TSPAN7: variants seen among roughly 807,000 people sequenced by gnomAD.
TSPAN7 encodes the protein tetraspanin 7, also known as tetraspanin-7.
Under a neutral mutation model 17.6 loss-of-function variants are expected in TSPAN7, and 1 was observed. The ratio of observed to expected loss-of-function variants is 0.06; its 90% confidence interval spans 0.02 to 0.27. The LOEUF (loss-of-function observed/expected upper bound fraction) is 0.27, where lower values mean the gene tolerates loss of function less well. Among genes scored for constraint, TSPAN7 ranks in the 10% least tolerant of loss-of-function variants. TSPAN7 has a pLI of 1.00. For missense variants in TSPAN7, 112 were observed against 201.7 expected (o/e 0.56, Z 2.69); for synonymous variants, 78 against 79.0 (o/e 0.99, Z 0.07).
At chrX:38,675,598 T>C in intron 4 of TSPAN7, 107 bp from the exon 5 acceptor site, 1 of 968,073 alleles carries the variant, frequency 1.0e-6, no homozygotes. Context: ...GCACATGTTG[T>C]CTTAGGGCTT....
At chrX:38,607,668 C>A (rs893228928) in intron 1 of TSPAN7, among the ~76,000 whole-genome samples, 2 of 111,187 alleles carry the variant, frequency 1.8e-5, no homozygotes, top group African/African-American at 6.5e-5. Context: ...ACTTTCAACT[C>A]TAATTTTCTA....
chrX:38,651,582 G>C (rs5917611), intron 1 of TSPAN7, among the ~76,000 whole-genome samples: 36,969 of 110,995 alleles, frequency 0.33, 4,601 homozygotes, highest in East Asian at 0.68. Context: ...GGACATCTTC[G>C]TTGTGCTTTG....
At chrX:38,562,021 G>C (rs1279356670) in intron 1 of TSPAN7, among the ~76,000 whole-genome samples, 1 of 112,667 alleles carries the variant, frequency 8.9e-6, no homozygotes, top group East Asian at 2.8e-4. Flanking sequence ...GCCGGTTCGC[G>C]GCGCCTCTTG....
intron 1 of TSPAN7, among the ~76,000 whole-genome samples, chrX:38,647,961 G>T (rs2069654093): frequency 2.7e-5 from 3 of 111,709 alleles, no homozygotes; most frequent in African/African-American, 9.8e-5. Flanking sequence ...AAAGTTCCTG[G>T]CATGGTGTAG....
chrX:38,595,648 A>G (rs2069315634), intron 1 of TSPAN7, among the ~76,000 whole-genome samples: 1 of 112,472 alleles, frequency 8.9e-6, no homozygotes, highest in Non-Finnish European at 1.9e-5. Flanking sequence ...TAAAACAGCT[A>G]TGAACAGTCC....
rs768827686 is a variant in TSPAN7, at chrX:38,675,803, T to C, written c.540T>C (p.Asp180=). The change falls in exon 5 of 8, where the codon GAT becomes GAC. Residue 180 remains aspartate, a synonymous_variant. Transcript: ENST00000378482. ...CCAGCTGCTGCATGAACGAAACTGA[T>C]TGTAATCCCCAGGATCTACACAATC... The part of the protein sequence containing the change: ...IPPSCCMNET[D]CNPQDLHNLT... 23 of 1,185,913 alleles carry C rather than the reference T, an allele frequency of 1.9e-5. No individual in the cohort carries two copies. The East Asian group carries it at 6.7e-4, about 34-fold the overall frequency.
intron 1 of TSPAN7, among the ~76,000 whole-genome samples, chrX:38,638,665 A>G (rs763617710): frequency 8.6e-4 from 96 of 111,257 alleles, no homozygotes; most frequent in African/African-American, 3.1e-3. Context: ...AACCTTCCTT[A>G]ATTATATGGG....
intron 1 of TSPAN7, among the ~76,000 whole-genome samples, chrX:38,563,805 C>T (rs2069127688): frequency 9.0e-6 from 1 of 111,489 alleles, no homozygotes; most frequent in Non-Finnish European, 1.9e-5. Context: ...AAAGCCAGTT[C>T]TGGCTTTGGT....
intron 1 of TSPAN7, among the ~76,000 whole-genome samples, chrX:38,606,853 A>C (rs921528340): frequency 7.1e-5 from 8 of 112,139 alleles, no homozygotes; most frequent in Admixed American, 6.6e-4. Context: ...TTTAATGAGG[A>C]AATGTGTCCA....
intron 1 of TSPAN7, among the ~76,000 whole-genome samples, chrX:38,658,690 G>A (rs892735100): frequency 3.6e-5 from 4 of 110,842 alleles, no homozygotes; most frequent in African/African-American, 1.3e-4. Flanking sequence ...TGTTTCCCAA[G>A]ATTCGTTGTT....
intron 6 of TSPAN7, among the ~76,000 whole-genome samples, chrX:38,684,249 G>A (rs2069911798): frequency 8.9e-6 from 1 of 112,141 alleles, no homozygotes; most frequent in African/African-American, 3.2e-5. Flanking sequence ...TTAGCTAATT[G>A]AAAGCTCCTG....
At chrX:38,660,480 C>A (rs1465609179) in intron 1 of TSPAN7, among the ~76,000 whole-genome samples, 5 of 111,991 alleles carry the variant, frequency 4.5e-5, no homozygotes. Context: ...AATAGTTTGT[C>A]AGGTACTTTT....
intron 1 of TSPAN7, among the ~76,000 whole-genome samples, chrX:38,621,663 G>C (rs372336203): frequency 8.9e-6 from 1 of 111,851 alleles, no homozygotes; most frequent in South Asian, 3.7e-4. Flanking sequence ...AGGGATACTG[G>C]GTGAAAGGCA....
At position 38,575,292 on chromosome X, in the gene TSPAN7, A is replaced by C. The variant is rs1302208177; in HGVS notation, c.81+13665A>C. Reference sequence around the variant, plus strand: ...GAAGACTCAGCTAAGCTGTGCCCAGATTTTTGACCCACAGAAACTATGAGA... The same window carrying C: ...GAAGACTCAGCTAAGCTGTGCCCAGCTTTTTGACCCACAGAAACTATGAGA... On this transcript the variant is annotated intron_variant, in intron 1 of 7. Coordinates refer to ENST00000378482, the MANE Select transcript of TSPAN7 (RefSeq NM_004615.4). Among the ~76,000 whole-genome samples, 3 of 111,838 alleles carry C rather than the reference A, an allele frequency of 2.7e-5. No homozygotes were observed. In the East Asian group the frequency reaches 8.4e-4, roughly 31 times the overall value.
chrX:38,639,763 G>C (rs1320133086), intron 1 of TSPAN7, among the ~76,000 whole-genome samples: 1 of 108,998 alleles, frequency 9.2e-6, no homozygotes, highest in African/African-American at 3.4e-5. Context: ...GGTCTGCTTT[G>C]GCAACTTCAA....
intron 1 of TSPAN7, among the ~76,000 whole-genome samples, chrX:38,600,239 C>T (rs964088943): frequency 9.0e-6 from 1 of 111,354 alleles, no homozygotes; most frequent in African/African-American, 3.3e-5. Context: ...GATATGTGAC[C>T]GTTTTCCTCC....
At chrX:38,615,113 A>G (rs778817954) in intron 1 of TSPAN7, among the ~76,000 whole-genome samples, 18 of 111,429 alleles carry the variant, frequency 1.6e-4, no homozygotes, top group African/African-American at 4.9e-4. Flanking sequence ...GGTGGATTTG[A>G]ATATTAGAGT....
chrX:38,575,695 T>C (rs181309537), intron 1 of TSPAN7, among the ~76,000 whole-genome samples: 2 of 112,095 alleles, frequency 1.8e-5, no homozygotes, highest in African/African-American at 6.5e-5. Context: ...GACTGCCTTA[T>C]GTAAGCTGGA....
intron 1 of TSPAN7, among the ~76,000 whole-genome samples, chrX:38,577,741 T>C (rs1358252921): frequency 7.5e-5 from 8 of 106,527 alleles, no homozygotes; most frequent in Admixed American, 2.0e-4. Context: ...TGCAGCACAC[T>C]AACATGGCAC....
Sources: allele counts gnomAD v4.1 joint callset (sites outside exome capture counted in the v4.1 genomes callset), GRCh38; gene constraint gnomAD v4.1.1; transcripts MANE v1.5; gene names NCBI Gene and HGNC (gene_info 2026-07-23, HGNC 2026-07-21).